PCDHA4: variants seen among roughly 807,000 people sequenced by gnomAD.
The protein encoded by PCDHA4 is protocadherin alpha 4, also known as protocadherin alpha-4.
PCDHA4 carries 49 observed loss-of-function variants against 61.4 expected under a neutral mutation model. That is an observed-to-expected ratio of 0.80 (90% CI 0.63 to 1.01). The LOEUF (loss-of-function observed/expected upper bound fraction) is 1.01. PCDHA4 is among the 50% of genes least tolerant of loss of function. PCDHA4 has a pLI of 0.00. For missense variants in PCDHA4, 1,254 were observed against 1,235.8 expected (o/e 1.01, Z -0.22); for synonymous variants, 590 against 550.3 (o/e 1.07, Z -1.01).
At chr5:140,927,412 G>T (rs781968521) in intron 1 of PCDHA4, 1 of 1,614,122 alleles carries the variant, frequency 6.2e-7, no homozygotes, top group East Asian at 2.2e-5. Flanking sequence ...CCTGGACATG[G>T]GATCGCGGGT....
intron 1 of PCDHA4, chr5:140,884,747 T>A: frequency 7.0e-7 from 1 of 1,433,190 alleles, no homozygotes; most frequent in African/African-American, 1.4e-5. Context: ...TCCTGCCAAT[T>A]TCAAATTATT....
chr5:140,960,788 G>A (rs1268913888), intron 1 of PCDHA4, among the ~76,000 whole-genome samples: 1 of 152,086 alleles, frequency 6.6e-6, no homozygotes, highest in Non-Finnish European at 1.5e-5. Context: ...GCCAAACAAG[G>A]TTTCTATTAA....
At chr5:140,920,133 C>T (rs1463322279) in intron 1 of PCDHA4, among the ~76,000 whole-genome samples, 1 of 152,178 alleles carries the variant, frequency 6.6e-6, no homozygotes, top group African/African-American at 2.4e-5. Flanking sequence ...AGTTTTAATT[C>T]TCCTCTCCAA....
intron 3 of PCDHA4, among the ~76,000 whole-genome samples, chr5:140,996,256 A>C (rs2097718697): frequency 6.6e-6 from 1 of 152,252 alleles, no homozygotes. Flanking sequence ...TGACAGCAAC[A>C]CAGAGCCTGG....
chr5:140,836,662 C>CTTGGG, intron 1 of PCDHA4: 1 of 1,613,452 alleles, frequency 6.2e-7, no homozygotes. Flanking sequence ...AGGGTGTGCT[C>CTTGGG]TGGGGAGGGC....
At chr5:140,984,295 A>C (rs1195087908) in intron 3 of PCDHA4, among the ~76,000 whole-genome samples, 3 of 152,208 alleles carry the variant, frequency 2.0e-5, no homozygotes, top group African/African-American at 7.2e-5. Flanking sequence ...CCCATTGGTG[A>C]TGCTGGTTGG....
intron 1 of PCDHA4, among the ~76,000 whole-genome samples, chr5:140,873,542 T>C (rs2054341425): frequency 6.6e-6 from 1 of 152,130 alleles, no homozygotes; most frequent in Non-Finnish European, 1.5e-5. Context: ...GGTATAAAAT[T>C]ATAATTTCAA....
intron 1 of PCDHA4, chr5:140,841,804 T>C (rs2150322982): frequency 1.2e-6 from 2 of 1,613,912 alleles, no homozygotes; most frequent in Non-Finnish European, 1.7e-6. Context: ...CCGATGCAGA[T>C]GTTGGAGCTA....
chr5:140,884,159 A>T, intron 1 of PCDHA4: 3 of 1,613,418 alleles, frequency 1.9e-6, no homozygotes, highest in Non-Finnish European at 2.5e-6. Context: ...CACTGGCGAG[A>T]TCAGCACGAC....
At chr5:140,841,894 G>C in intron 1 of PCDHA4, 1 of 1,613,814 alleles carries the variant, frequency 6.2e-7, no homozygotes. Flanking sequence ...AGAATAAACT[G>C]GTTGAGCTCG....
At chr5:140,925,545 T>C (rs2082554124) in intron 1 of PCDHA4, among the ~76,000 whole-genome samples, 1 of 151,896 alleles carries the variant, frequency 6.6e-6, no homozygotes, top group Non-Finnish European at 1.5e-5. Flanking sequence ...ATACCTAATG[T>C]AAATGACAAG....
chr5:140,878,600 A>G (rs2153362487), intron 1 of PCDHA4, among the ~76,000 whole-genome samples: 1 of 152,320 alleles, frequency 6.6e-6, no homozygotes, highest in East Asian at 1.9e-4. Context: ...TACCAAGTGA[A>G]TCTTCTAATG....
intron 1 of PCDHA4, among the ~76,000 whole-genome samples, chr5:140,918,873 C>A (rs774088807): frequency 2.0e-5 from 3 of 152,166 alleles, no homozygotes; most frequent in Non-Finnish European, 4.4e-5. Flanking sequence ...AACTTTCAAG[C>A]CTCTAGAACA....
At chr5:140,928,752 T>C (rs781823494) in intron 1 of PCDHA4, 3 of 1,614,208 alleles carry the variant, frequency 1.9e-6, no homozygotes, top group Non-Finnish European at 2.5e-6. Context: ...AGCTCCGTAC[T>C]GCTCGCTTAG....
intron 1 of PCDHA4, among the ~76,000 whole-genome samples, chr5:140,920,262 T>A (rs1199241403): frequency 2.0e-5 from 3 of 152,216 alleles, no homozygotes; most frequent in African/African-American, 7.2e-5. Flanking sequence ...ATAATAATTA[T>A]TACTTTATGT....
At chr5:141,000,011 C>T (rs548995159) in intron 3 of PCDHA4, among the ~76,000 whole-genome samples, 1 of 152,166 alleles carries the variant, frequency 6.6e-6, no homozygotes, top group East Asian at 1.9e-4. Flanking sequence ...TTGGCCTCCC[C>T]ATTGCTAAGC....
intron 1 of PCDHA4, chr5:140,843,225 G>C: frequency 1.3e-6 from 2 of 1,596,120 alleles, no homozygotes; most frequent in Non-Finnish European, 1.7e-6. Context: ...AGCACCACTC[G>C]TGTCCTGGAC....
chr5:140,883,951 C>T (rs782324778), intron 1 of PCDHA4: 7 of 1,613,222 alleles, frequency 4.3e-6, no homozygotes, highest in African/African-American at 2.7e-5. Flanking sequence ...AGAACGACAA[C>T]GCTCCGGCGC....
In PCDHA4 at chr5:140,894,992, T is replaced by C. The variant is rs78280553; in HGVS notation, c.2386-83957T>C. Among the ~76,000 whole-genome samples, 440 of 152,300 alleles carry C rather than the reference T, an allele frequency of 2.9e-3. 1 individual carries two copies. The highest frequency in any genetic ancestry group is 0.01 in the African/African-American group (421 of 41,556). On this transcript the variant is annotated intron_variant, in intron 1 of 3. Transcript: ENST00000530339. ...TAATGTCTTACTTTGTGACATCCTT[T>C]ACCCTTTTTACTTGGACCTTTTTCC...
Sources: allele counts gnomAD v4.1 joint callset (sites outside exome capture counted in the v4.1 genomes callset), GRCh38; gene constraint gnomAD v4.1.1; transcripts MANE v1.5; gene names NCBI Gene and HGNC (gene_info 2026-07-23, HGNC 2026-07-21).